The following GPR137C variants were observed in gnomAD, a reference collection of about 807,000 sequenced individuals.
GPR137C encodes integral membrane protein GPR137C.
GPR137C carries 27 observed loss-of-function variants against 43.4 expected under a neutral mutation model. The observed-to-expected ratio is 0.62, with a 90% CI of 0.46 to 0.86. The LOEUF is 0.86. Among genes scored for constraint, GPR137C ranks in the 40% least tolerant of loss-of-function variants. The pLI is 0.00. For synonymous variants in GPR137C, 285 were observed against 226.9 expected, an observed-to-expected ratio of 1.26 and a Z score of -2.30; for missense variants, 522 against 534.6, an observed-to-expected ratio of 0.98 and a Z score of 0.23.
chr14:52,603,455 T>G (rs958273224), intron 3 of GPR137C, among the ~76,000 whole-genome samples: 1 of 152,184 alleles, frequency 6.6e-6, no homozygotes, highest in Non-Finnish European at 1.5e-5. Context: ...CTCTTGGATA[T>G]CTACCCAGCA....
chr14:52,606,767 ATTTT>A (rs780886192), intron 3 of GPR137C, among the ~76,000 whole-genome samples: 3 of 151,630 alleles, frequency 2.0e-5, no homozygotes, highest in Non-Finnish European at 4.4e-5. Context: ...CCTCTTTTGT[ATTTT>A]TTTAAGTCTC....
chr14:52,553,091 G>T lies in GPR137C; in HGVS notation c.-57G>T, dbSNP rs941329764. 46 of 980,698 alleles carry T rather than the reference G, an allele frequency of 4.7e-5. No homozygotes were observed. Among genetic ancestry groups the T allele is most frequent in the Non-Finnish European group, 5.5e-5 (43 of 787,904 alleles). The allele number at this position is 980,698 out of a possible 1,614,324, so 60.7% of individuals were successfully genotyped here. A position where few individuals can be genotyped will look rare whatever the true frequency, so the allele number is the denominator to read the frequency against. On this transcript the variant is annotated 5_prime_UTR_variant, in exon 1 of 7. Transcript: ENST00000321662. ...GGCAGTCCTTCTCCCCTTCGACGGCGGCTCCGAGTCCAGCCCCTTCCTTCC... is the reference window on the plus strand; with the variant it reads ...GGCAGTCCTTCTCCCCTTCGACGGCTGCTCCGAGTCCAGCCCCTTCCTTCC...
chr14:52,553,247 G>A lies in GPR137C; in HGVS notation c.100G>A (p.Ala34Thr). 2 of 1,314,064 alleles carry A rather than the reference G, an allele frequency of 1.5e-6. No homozygotes were observed. The highest frequency in any genetic ancestry group is 1.9e-6 in the Non-Finnish European group (2 of 1,032,862). The allele number at this position is 1,314,064 out of a possible 1,614,324, so 81.4% of individuals were successfully genotyped here. A position where few individuals can be genotyped will look rare whatever the true frequency, so the allele number is the denominator to read the frequency against. Residue 34 changes from alanine (A) to threonine (T), a missense_variant, in exon 1 of 7, where the codon GCT becomes ACT. Physicochemically the swap from Ala to Thr is moderately conservative, Grantham distance 58. Coordinates refer to ENST00000321662, the MANE Select transcript of GPR137C (RefSeq NM_001099652.2). ...GGGCAGCGGAGGCGGAGGCGCCGTC[G>A]CTGCAGCCTCAGGCGCCGCGGTGCC... ...GGGSGGGGAV[A>T]AASGAAVPGS...
chr14:52,607,166 CTTTG>C (rs1164992024), intron 3 of GPR137C, among the ~76,000 whole-genome samples: 1 of 152,120 alleles, frequency 6.6e-6, no homozygotes, highest in Non-Finnish European at 1.5e-5. Context: ...TATGATTTGA[CTTTG>C]TTTAATTAAT....
chr14:52,598,332 T>C lies in GPR137C; in HGVS notation c.488+17T>C. 3 of 1,113,270 alleles carry C rather than the reference T, an allele frequency of 2.7e-6. No individual in the cohort carries two copies. The highest frequency in any genetic ancestry group is 3.9e-6 in the Non-Finnish European group (3 of 773,850). 69.0% of individuals were successfully genotyped at this position (1,113,270 alleles called of 1,614,324 possible). On this transcript the variant is annotated intron_variant, in intron 2 of 6. Transcript: ENST00000321662. ...CAGACACAAGTAAGTTTTATGAGTATCTAAATTTCTATCTAAAAGATCTAA... is the reference window on the plus strand; with the variant it reads ...CAGACACAAGTAAGTTTTATGAGTACCTAAATTTCTATCTAAAAGATCTAA...
chr14:52,599,122 T>C (rs2038892393), intron 2 of GPR137C, among the ~76,000 whole-genome samples: 1 of 152,180 alleles, frequency 6.6e-6, no homozygotes, highest in African/African-American at 2.4e-5. Flanking sequence ...GTGTTTGAAC[T>C]GGGATTACGT....
chr14:52,587,158 G>A (rs1006756576), intron 1 of GPR137C, among the ~76,000 whole-genome samples: 5 of 152,098 alleles, frequency 3.3e-5, no homozygotes, highest in African/African-American at 1.2e-4. Context: ...TTCAAACACT[G>A]TCTGAAAACC....
chr14:52,602,078 A>T (rs1416232039), intron 3 of GPR137C, among the ~76,000 whole-genome samples: 2 of 150,720 alleles, frequency 1.3e-5, no homozygotes, highest in Non-Finnish European at 3.0e-5. Flanking sequence ...GGTAGATGAC[A>T]TACTAGATGA....
rs1566630129 is a variant in GPR137C at position 52,637,291 on chromosome 14, C to T, written c.*2176C>T. On this transcript the variant is annotated 3_prime_UTR_variant, in exon 7 of 7. Coordinates refer to ENST00000321662, the MANE Select transcript of GPR137C (RefSeq NM_001099652.2). ...ACTAGGAGCACTTTAAGTTTGGTCT[C>T]GAAAGGAGTTGTTTATAAAATCAAA... is the stretch of plus-strand genomic sequence containing the variant. The T allele has an allele frequency of 1.3e-5, 2 of 152,062 alleles. No individual in the cohort carries two copies. The highest frequency in any genetic ancestry group is 2.4e-5 in the African/African-American group (1 of 41,420). 9.4% of individuals were successfully genotyped at this position (152,062 alleles called of 1,614,324 possible). A position where few individuals can be genotyped will look rare whatever the true frequency, so the allele number is the denominator to read the frequency against.
At chr14:52,557,782 GT>G (rs2038216839) in intron 1 of GPR137C, among the ~76,000 whole-genome samples, 1 of 152,194 alleles carries the variant, frequency 6.6e-6, no homozygotes, top group South Asian at 2.1e-4. Context: ...TGGCTAATAT[GT>G]ATCAGTTGTG....
intron 3 of GPR137C, among the ~76,000 whole-genome samples, chr14:52,606,686 G>A (rs1474563973): frequency 6.6e-6 from 1 of 152,018 alleles, no homozygotes; most frequent in African/African-American, 2.4e-5. Context: ...AATTATTTGA[G>A]TCTTCTCTTT....
At chr14:52,561,823 GA>G (rs1159951868) in intron 1 of GPR137C, among the ~76,000 whole-genome samples, 2 of 152,182 alleles carry the variant, frequency 1.3e-5, no homozygotes, top group Non-Finnish European at 2.9e-5. Flanking sequence ...GTCTGGAGCA[GA>G]AGGGAGGACT....
chr14:52,627,946 C>T (rs771069297), intron 3 of GPR137C, among the ~76,000 whole-genome samples: 3 of 152,154 alleles, frequency 2.0e-5, no homozygotes, highest in Non-Finnish European at 2.9e-5. Flanking sequence ...AGTATGATAG[C>T]TAGCCAAATG....
chr14:52,613,664 G>A, intron 3 of GPR137C: 1 of 272,608 alleles, frequency 3.7e-6, no homozygotes, highest in Non-Finnish European at 7.4e-6. Context: ...GTTCCATGTT[G>A]TTGCAGATTA....
At chr14:52,568,192 G>A (rs185111626) in intron 1 of GPR137C, among the ~76,000 whole-genome samples, 2 of 152,276 alleles carry the variant, frequency 1.3e-5, no homozygotes, top group Non-Finnish European at 2.9e-5. Flanking sequence ...CACCCGGGAA[G>A]CCCAAGGGGT....
At chr14:52,584,977 A>G (rs979840173) in intron 1 of GPR137C, among the ~76,000 whole-genome samples, 11 of 152,176 alleles carry the variant, frequency 7.2e-5, no homozygotes, top group Non-Finnish European at 2.9e-5. Context: ...CAACTGCTCA[A>G]CTTTAACTGG....
At chr14:52,554,739 A>G (rs1365263541) in intron 1 of GPR137C, among the ~76,000 whole-genome samples, 1 of 152,204 alleles carries the variant, frequency 6.6e-6, no homozygotes, top group Non-Finnish European at 1.5e-5. Context: ...GACGTATATT[A>G]AGTGTTTATA....
chr14:52,557,095 T>A (rs2038206439), intron 1 of GPR137C, among the ~76,000 whole-genome samples: 1 of 152,214 alleles, frequency 6.6e-6, no homozygotes, highest in African/African-American at 2.4e-5. Context: ...GATTTTGTTC[T>A]GTTCTTTGAT....
chr14:52,582,728 A>T (rs2038663759), intron 1 of GPR137C, among the ~76,000 whole-genome samples: 2 of 152,190 alleles, frequency 1.3e-5, no homozygotes, highest in Admixed American at 6.5e-5. Flanking sequence ...TGGGAAGTGG[A>T]TGTTGCAGTG....
Sources: allele counts gnomAD v4.1 joint callset (sites outside exome capture counted in the v4.1 genomes callset), GRCh38; gene constraint gnomAD v4.1.1; transcripts MANE v1.5; gene names NCBI Gene and HGNC (gene_info 2026-07-23, HGNC 2026-07-21).